ATP9A: variants seen among roughly 807,000 people sequenced by gnomAD.
ATP9A encodes the protein probable phospholipid-transporting ATPase IIA.
In ATP9A, 52 loss-of-function variants were observed where a neutral mutation model predicts 144.1. That is an observed-to-expected ratio of 0.36 (90% CI 0.29 to 0.45). The LOEUF is 0.45. Among genes scored for constraint, ATP9A ranks in the 20% least tolerant of loss-of-function variants. The probability of loss-of-function intolerance (pLI) is 1.00; values close to 1 mark genes in which losing one functional copy is unlikely to be tolerated. For synonymous variants in ATP9A, 582 were observed against 557.4 expected, an observed-to-expected ratio of 1.04 and a Z score of -0.62; for missense variants, 947 against 1,392.7, an observed-to-expected ratio of 0.68 and a Z score of 5.09.
At chr20:51,608,834 C>T (rs1178254563) in intron 24 of ATP9A, among the ~76,000 whole-genome samples, 2 of 151,090 alleles carry the variant, frequency 1.3e-5, no homozygotes, top group African/African-American at 2.4e-5. Context: ...TCCCGGTCAG[C>T]GAGTCAATAA....
At chr20:51,632,160 C>T (rs539870393) in intron 15 of ATP9A, among the ~76,000 whole-genome samples, 3 of 152,176 alleles carry the variant, frequency 2.0e-5, no homozygotes, top group African/African-American at 7.2e-5. Context: ...GCCTCGACCT[C>T]CTGGACTCGA....
At chr20:51,632,533 C>A (rs2077274069) in intron 15 of ATP9A, among the ~76,000 whole-genome samples, 1 of 152,174 alleles carries the variant, frequency 6.6e-6, no homozygotes, top group Non-Finnish European at 1.5e-5. Flanking sequence ...TGCTGAGCGG[C>A]ATCCCTGCTC....
chr20:51,710,526 C>T (rs576465303), intron 4 of ATP9A, among the ~76,000 whole-genome samples: 1 of 152,292 alleles, frequency 6.6e-6, no homozygotes, highest in South Asian at 2.1e-4. Context: ...TGGCCCTCCC[C>T]CCAAAAGCGT....
intron 9 of ATP9A, among the ~76,000 whole-genome samples, chr20:51,688,533 A>G (rs2077533420): frequency 1.3e-5 from 2 of 152,248 alleles, no homozygotes; most frequent in Admixed American, 1.3e-4. Flanking sequence ...CGGAGGTTAC[A>G]GTGAGCCAAG....
chr20:51,761,685 G>A (rs775238379), intron 1 of ATP9A, among the ~76,000 whole-genome samples: 8 of 151,904 alleles, frequency 5.3e-5, no homozygotes, highest in Admixed American at 1.3e-4. Flanking sequence ...GCGCGAACCC[G>A]GAAGGCGGAG....
At chr20:51,633,970 T>A (rs2122738636) in intron 15 of ATP9A, among the ~76,000 whole-genome samples, 1 of 152,122 alleles carries the variant, frequency 6.6e-6, no homozygotes, top group South Asian at 2.1e-4. Flanking sequence ...TACCTGTAAC[T>A]TTTTGTTCTA....
intron 1 of ATP9A, among the ~76,000 whole-genome samples, chr20:51,762,193 C>T (rs1370912974): frequency 6.6e-6 from 1 of 151,992 alleles, no homozygotes; most frequent in Non-Finnish European, 1.5e-5. Flanking sequence ...GGTGAAGCCC[C>T]GTCTCTACCA....
At chr20:51,700,885 G>A (rs959565251) in intron 4 of ATP9A, among the ~76,000 whole-genome samples, 4 of 152,074 alleles carry the variant, frequency 2.6e-5, no homozygotes, top group Non-Finnish European at 5.9e-5. Context: ...GTAAAGAGAC[G>A]GTCTAATTGG....
chr20:51,603,240 C>T (rs951035276), intron 27 of ATP9A, among the ~76,000 whole-genome samples: 2 of 152,166 alleles, frequency 1.3e-5, no homozygotes, highest in Non-Finnish European at 2.9e-5. Flanking sequence ...AAATTAAATG[C>T]TCCTACTGAG....
At chr20:51,629,156 G>C in intron 15 of ATP9A, 84 bp from the exon 16 acceptor site, 2 of 1,104,500 alleles carry the variant, frequency 1.8e-6, no homozygotes, top group Non-Finnish European at 2.7e-6. Flanking sequence ...GACAGACAGT[G>C]TACAAAGTGC....
chr20:51,752,679 T>C (rs2077837553), intron 1 of ATP9A, among the ~76,000 whole-genome samples: 1 of 152,198 alleles, frequency 6.6e-6, no homozygotes. Context: ...AAACTGCATT[T>C]TTGAGTGCTT....
intron 1 of ATP9A, among the ~76,000 whole-genome samples, 183 bp downstream of exon 1, chr20:51,768,119 T>C (rs938002900): frequency 2.0e-5 from 3 of 151,900 alleles, no homozygotes; most frequent in Non-Finnish European, 4.4e-5. Flanking sequence ...GGCATCAGGC[T>C]AGGTGCCGCC....
chr20:51,609,192 C>T (rs2077175684), intron 24 of ATP9A, among the ~76,000 whole-genome samples: 1 of 152,042 alleles, frequency 6.6e-6, no homozygotes, highest in Non-Finnish European at 1.5e-5. Context: ...AAAGATGGGA[C>T]CAGACCACGG....
chr20:51,652,175 G>A (rs556473747), intron 14 of ATP9A, among the ~76,000 whole-genome samples: 1 of 152,298 alleles, frequency 6.6e-6, no homozygotes, highest in Non-Finnish European at 1.5e-5. Flanking sequence ...GCTCGCTCCA[G>A]CATCTGAGCA....
intron 12 of ATP9A, 70 bp downstream of exon 12, chr20:51,671,045 A>G: frequency 6.4e-7 from 1 of 1,573,338 alleles, no homozygotes; most frequent in Non-Finnish European, 8.7e-7. Flanking sequence ...AGAGCCCAAG[A>G]ATTTCAGCCA....
At chr20:51,651,308 TAA>T (rs1415763561) in intron 14 of ATP9A, among the ~76,000 whole-genome samples, 77 of 126,328 alleles carry the variant, frequency 6.1e-4, no homozygotes, top group Middle Eastern at 3.7e-3. Flanking sequence ...TATATTTACA[TAA>T]TATATTATAT....
chr20:51,758,097 C>G lies in ATP9A; in HGVS notation c.68+10205G>C, dbSNP rs890264146. Among the ~76,000 whole-genome samples the G allele has an allele frequency of 2.6e-5, 4 of 152,180 alleles. No individual in the cohort carries two copies. The East Asian group carries it at 7.7e-4, about 29-fold the overall frequency. On this transcript the variant is annotated intron_variant, in intron 1 of 27. Coordinates refer to ENST00000338821, the MANE Select transcript of ATP9A (RefSeq NM_006045.3). ...TCATGGTTTTCTTTAAATTGACTGCCTTTTATTTAAATTCTAAAAGGAAAC... is the reference window on the plus strand; with the variant it reads ...TCATGGTTTTCTTTAAATTGACTGCGTTTTATTTAAATTCTAAAAGGAAAC...
At chr20:51,694,676 C>T (rs767514435) in intron 6 of ATP9A, among the ~76,000 whole-genome samples, 6 of 152,128 alleles carry the variant, frequency 3.9e-5, no homozygotes, top group Admixed American at 1.3e-4. Context: ...CAGGACTGAT[C>T]GATCCAGGCA....
At chr20:51,691,770 G>A (rs892491039) in intron 7 of ATP9A, among the ~76,000 whole-genome samples, 7 of 152,164 alleles carry the variant, frequency 4.6e-5, no homozygotes, top group African/African-American at 1.4e-4. Flanking sequence ...TGAAAGCAGG[G>A]ACTTGAAGTG....
Sources: allele counts gnomAD v4.1 joint callset (sites outside exome capture counted in the v4.1 genomes callset), GRCh38; gene constraint gnomAD v4.1.1; transcripts MANE v1.5; gene names NCBI Gene and HGNC (gene_info 2026-07-23, HGNC 2026-07-21).